PHF3: variants seen among roughly 807,000 people sequenced by gnomAD.
PHF3 encodes the protein PHD finger protein 3.
Under a neutral mutation model 178.4 loss-of-function variants are expected in PHF3, and 41 were observed. The observed-to-expected ratio is 0.23, with a 90% CI of 0.18 to 0.30. PHF3 has a LOEUF of 0.30. Among genes scored for constraint, PHF3 ranks in the 10% least tolerant of loss-of-function variants. The probability of loss-of-function intolerance (pLI) is 1.00; values close to 1 mark genes in which losing one functional copy is unlikely to be tolerated. For missense variants in PHF3, 2,346 were observed against 2,398.1 expected (o/e 0.98, Z 0.45); for synonymous variants, 842 against 800.5 (o/e 1.05, Z -0.88).
At chr6:63,701,504 G>A (rs537628775) in intron 9 of PHF3, among the ~76,000 whole-genome samples, 1 of 152,244 alleles carries the variant, frequency 6.6e-6, no homozygotes, top group South Asian at 2.1e-4. Context: ...TATTACAATG[G>A]CATCAGAATG....
At chr6:63,679,023 A>G (rs1301369187) in intron 2 of PHF3, 1 of 180,248 alleles carries the variant, frequency 5.5e-6, no homozygotes, top group Non-Finnish European at 1.2e-5. Flanking sequence ...CCTGTGAGGT[A>G]GGTAGGACAG....
In PHF3 at chr6:63,721,859, G is replaced by T; in HGVS notation, c.*8151G>T. On this transcript the variant is annotated 3_prime_UTR_variant, in exon 16 of 16. Transcript: ENST00000262043. ...GTAAAAGTTTCCATTGAAAACTTTT[G>T]CTGTTTCTGGCCAAGTTGGATAAGT... is the stretch of plus-strand genomic sequence containing the variant. 7.0e-7 allele frequency: 1 copy of T among 1,431,114 alleles called. No individual in the cohort carries two copies. The highest frequency in any genetic ancestry group is 9.3e-7 in the Non-Finnish European group (1 of 1,073,884). 88.7% of individuals were successfully genotyped at this position (1,431,114 alleles called of 1,614,324 possible).
At chr6:63,682,983 C>G (rs551417054) in intron 3 of PHF3, among the ~76,000 whole-genome samples, 2 of 151,836 alleles carry the variant, frequency 1.3e-5, no homozygotes, top group Non-Finnish European at 1.5e-5. Context: ...TGAAACAAAG[C>G]TTTATTAAAA....
chr6:63,697,795 TTTGACA>T (rs1396966930), intron 6 of PHF3, among the ~76,000 whole-genome samples: 3 of 152,162 alleles, frequency 2.0e-5, no homozygotes, highest in Non-Finnish European at 2.9e-5. Flanking sequence ...CAGTGGGATG[TTTGACA>T]TTGAGATTTT....
chr6:63,690,116 G>C (rs2149590059), intron 4 of PHF3, among the ~76,000 whole-genome samples: 1 of 152,244 alleles, frequency 6.6e-6, no homozygotes, highest in Admixed American at 6.5e-5. Flanking sequence ...ACTTTTGCTA[G>C]AATATCTGTA....
At chr6:63,659,505 T>A (rs940737002) in intron 2 of PHF3, among the ~76,000 whole-genome samples, 2 of 152,176 alleles carry the variant, frequency 1.3e-5, no homozygotes, top group African/African-American at 4.8e-5. Context: ...AGTTAAAATG[T>A]GTGGATGTTA....
chr6:63,720,595 C>T lies in PHF3; in HGVS notation c.*6887C>T. 1.4e-6 allele frequency: 2 copies of T among 1,463,966 alleles called. No individual in the cohort carries two copies. Among genetic ancestry groups the T allele is most frequent in the South Asian group, 1.5e-5 (1 of 68,814 alleles). 90.7% of individuals were successfully genotyped at this position (1,463,966 alleles called of 1,614,324 possible). On this transcript the variant is annotated 3_prime_UTR_variant, in exon 16 of 16. Transcript: ENST00000262043. Reference sequence around the variant, plus strand: ...TGTGTACTAAAATCTCTAGTGTTAACTTATGTAACCTCATTTTGTTCATCT... The same window carrying T: ...TGTGTACTAAAATCTCTAGTGTTAATTTATGTAACCTCATTTTGTTCATCT...
chr6:63,681,057 A>G lies in PHF3; in HGVS notation c.406+896A>G, dbSNP rs116524187. 4.9e-3 allele frequency among the ~76,000 whole-genome samples: 743 copies of G among 152,206 alleles called. 7 individuals carry two copies. The highest frequency in any genetic ancestry group is 0.016 in the African/African-American group (651 of 41,542). Reference sequence around the variant, plus strand: ...TGTATGTTTACCTTGTATTTAGTCTATTCTCATACTGGAATCATGGTCTGG... The same window carrying G: ...TGTATGTTTACCTTGTATTTAGTCTGTTCTCATACTGGAATCATGGTCTGG... On this transcript the variant is annotated intron_variant, in intron 3 of 15. Transcript: ENST00000262043.
intron 1 of PHF3, among the ~76,000 whole-genome samples, chr6:63,637,897 A>T (rs936279588): frequency 1.3e-5 from 2 of 152,144 alleles, no homozygotes; most frequent in African/African-American, 4.8e-5. Context: ...TCTTATTTAC[A>T]TTTTTTATAG....
At chr6:63,644,480 G>A (rs762636118) in intron 1 of PHF3, among the ~76,000 whole-genome samples, 33 of 152,096 alleles carry the variant, frequency 2.2e-4, no homozygotes, top group Admixed American at 5.2e-4. Flanking sequence ...ATGATATAGT[G>A]GTAGGGAATT....
intron 6 of PHF3, among the ~76,000 whole-genome samples, chr6:63,696,993 A>C (rs1767256926): frequency 6.6e-6 from 1 of 152,102 alleles, no homozygotes; most frequent in Non-Finnish European, 1.5e-5. Flanking sequence ...AGTGGATGTG[A>C]ATTTTTTTTT....
intron 2 of PHF3, among the ~76,000 whole-genome samples, chr6:63,657,688 G>A (rs991519968): frequency 6.6e-6 from 1 of 152,118 alleles, no homozygotes; most frequent in East Asian, 1.9e-4. Flanking sequence ...GAAGAAAATC[G>A]ATGTATAAGT....
intron 5 of PHF3, 121 bp downstream of exon 5, chr6:63,692,164 T>G: frequency 1.3e-6 from 1 of 789,940 alleles, no homozygotes; most frequent in Non-Finnish European, 1.9e-6. Flanking sequence ...CAAATTTAGT[T>G]TTCCATGAAA....
chr6:63,694,594 G>A lies in PHF3; in HGVS notation c.2510G>A (p.Gly837Asp). 1 of 1,519,010 alleles carries A rather than the reference G, an allele frequency of 6.6e-7. No homozygotes were observed. Among genetic ancestry groups the A allele is most frequent in the Non-Finnish European group, 8.8e-7 (1 of 1,132,848 alleles). 94.1% of individuals were successfully genotyped at this position (1,519,010 alleles called of 1,614,324 possible). A position where few individuals can be genotyped will look rare whatever the true frequency, so the allele number is the denominator to read the frequency against. ...VKILKRESGE[G>D]RNSSDCRDNE... The stretch of plus-strand genomic sequence containing the variant: ...CTCATTTTCCAGGAGTCTGGTGAAG[G>A]CAGAAATTCATCAGACTGTAGAGAT... The change falls in exon 6 of 16, where the codon GGC (glycine) becomes GAC (aspartate). Residue 837 changes from glycine (G) to aspartate (D), a missense_variant. Gly to Asp is a moderately conservative substitution (Grantham distance 94). Coordinates refer to ENST00000262043, the MANE Select transcript of PHF3 (RefSeq NM_001370348.2).
chr6:63,646,346 A>C (rs915316426), intron 1 of PHF3, among the ~76,000 whole-genome samples, 181 bp from the exon 2 acceptor site: 7 of 152,168 alleles, frequency 4.6e-5, no homozygotes, highest in Non-Finnish European at 1.0e-4. Context: ...TTATTTAGTA[A>C]AGATTCGTTC....
chr6:63,647,818 G>A (rs1764854468), intron 2 of PHF3, among the ~76,000 whole-genome samples: 1 of 152,138 alleles, frequency 6.6e-6, no homozygotes. Flanking sequence ...TATAGGTAAA[G>A]GTAAAATCAG....
In PHF3 at chr6:63,706,122, G is replaced by C. The variant is rs371389876; in HGVS notation, c.3461G>C (p.Ser1154Thr). ...ARKHSDNEAESIADALSSTSN... is the reference protein window; with the variant it reads ...ARKHSDNEAETIADALSSTSN... ...AAACATTCAGACAATGAAGCAGAAA[G>C]TATAGCAGATGCATTATCTTCAACC... Residue 1154 changes from serine (S) to threonine (T), a missense_variant, in exon 12 of 16, where the codon AGT becomes ACT. Physicochemically the swap from Ser to Thr is moderately conservative, Grantham distance 58 (BLOSUM62 1). Transcript: ENST00000262043. 6.2e-7 allele frequency: 1 copy of C among 1,613,816 alleles called. No homozygotes were observed. Among genetic ancestry groups the C allele is most frequent in the African/African-American group, 1.3e-5 (1 of 74,934 alleles).
In PHF3 at chr6:63,711,885, A is replaced by G. The variant is rs773033159; in HGVS notation, c.4297A>G (p.Lys1433Glu). The stretch of plus-strand genomic sequence containing the variant: ...AGTTGAACCTTTAATGGAAGTCACC[A>G]AACAGGAGCCACCAAAACCTTTAAG... ...TAVEPLMEVT[K>E]QEPPKPLRFL... The change falls in exon 16 of 16, where the codon AAA (lysine) becomes GAA (glutamate). Residue 1433 changes from lysine to glutamate, a missense_variant. Transcript: ENST00000262043. The G allele has an allele frequency of 6.2e-7, 1 of 1,614,092 alleles. No individual in the cohort carries two copies. The highest frequency in any genetic ancestry group is 8.5e-7 in the Non-Finnish European group (1 of 1,179,952).
At chr6:63,670,041 A>G (rs1379749789) in intron 2 of PHF3, among the ~76,000 whole-genome samples, 1 of 152,118 alleles carries the variant, frequency 6.6e-6, no homozygotes, top group African/African-American at 2.4e-5. Context: ...TTCCTTTTAT[A>G]GAACCGTTTT....
Sources: gnomAD v4.1 joint callset for allele counts (sites outside exome capture counted in the v4.1 genomes callset) on GRCh38, gnomAD v4.1.1 for gene constraint, MANE v1.5 for transcripts, NCBI Gene and HGNC (gene_info 2026-07-23, HGNC 2026-07-21) for gene names.